The following AIM2 variants were observed in gnomAD, a reference collection of about 807,000 sequenced individuals.
AIM2 encodes absent in melanoma 2, also known as interferon-inducible protein AIM2.
Under a neutral mutation model 27.7 loss-of-function variants are expected in AIM2, and 30 were observed. That is an observed-to-expected ratio of 1.08 (90% CI 0.81 to 1.47). AIM2 has a LOEUF of 1.47. AIM2 is among the 40% of genes most tolerant of loss of function. The pLI, the probability that AIM2 is intolerant of heterozygous loss-of-function variation, is 0.00. For synonymous variants in AIM2, 141 were observed against 145.3 expected (o/e 0.97, Z 0.21); for missense variants, 358 against 411.3 (o/e 0.87, Z 1.12).
chr1:159,074,119 A>G (rs984884159), intron 1 of AIM2, among the ~76,000 whole-genome samples: 13 of 152,232 alleles, frequency 8.5e-5, no homozygotes, highest in African/African-American at 2.4e-4. Context: ...ATCGAGGCAT[A>G]ACTGGCATAC....
intron 1 of AIM2, among the ~76,000 whole-genome samples, chr1:159,111,578 G>C (rs762578421): frequency 2.6e-5 from 4 of 152,030 alleles, no homozygotes; most frequent in Non-Finnish European, 5.9e-5. Context: ...CAGAGTTTAT[G>C]ACAGGATTTA....
At chr1:159,069,835 G>A (rs371972138) in intron 2 of AIM2, among the ~76,000 whole-genome samples, 24 of 152,230 alleles carry the variant, frequency 1.6e-4, no homozygotes, top group East Asian at 7.7e-4. Context: ...GAGCCACCGC[G>A]CCTGGCCACA....
the AIM2 span, among the ~76,000 whole-genome samples, chr1:159,057,155 C>G: frequency 2.0e-5 from 3 of 152,128 alleles, no homozygotes; most frequent in Non-Finnish European, 4.4e-5. Flanking sequence ...CAGTCAGCAC[C>G]ATGGGTGGTA....
rs148572236 is a variant in AIM2, at chr1:159,136,782, T to A, written c.-16+3649A>T. Among the ~76,000 whole-genome samples the A allele has an allele frequency of 3.2e-4, 48 of 152,344 alleles. No homozygotes were observed. The East Asian group carries it at 6.4e-3, about 20-fold the overall frequency. On this transcript the variant is annotated intron_variant, in intron 1 of 2. Coordinates refer to the AIM2 transcript ENST00000368129. Reference sequence around the variant, plus strand: ...ATAAGCAAAATGAACATTTTTACCATTAGGTAATAACTATTGTAATGACAA... The same window carrying A: ...ATAAGCAAAATGAACATTTTTACCAATAGGTAATAACTATTGTAATGACAA...
intron 1 of AIM2, chr1:159,140,407 A>G (rs1478388860): frequency 6.6e-6 from 1 of 152,262 alleles, no homozygotes; most frequent in African/African-American, 2.4e-5. Flanking sequence ...GGGTCCTCCT[A>G]TCTACACTGT....
intron 1 of AIM2, among the ~76,000 whole-genome samples, chr1:159,116,644 G>A (rs1647357920): frequency 6.6e-6 from 1 of 152,010 alleles, no homozygotes; most frequent in Admixed American, 6.6e-5. Context: ...GAGAACACGT[G>A]GACACAGGAA....
intron 1 of AIM2, among the ~76,000 whole-genome samples, chr1:159,075,730 CA>C (rs1395843078): frequency 2.6e-5 from 4 of 151,908 alleles, no homozygotes; most frequent in African/African-American, 9.7e-5. Flanking sequence ...TGTGAATGAG[CA>C]ATTTGCTCAA....
chr1:159,127,279 T>A (rs1647718506), intron 1 of AIM2, among the ~76,000 whole-genome samples: 1 of 152,238 alleles, frequency 6.6e-6, no homozygotes, highest in Non-Finnish European at 1.5e-5. Context: ...AGGGTATGTA[T>A]AATTTATTTC....
intron 1 of AIM2, among the ~76,000 whole-genome samples, chr1:159,114,654 G>A (rs1204207999): frequency 6.6e-6 from 1 of 152,210 alleles, no homozygotes. Flanking sequence ...ATATTTCACT[G>A]AGCCAAGATC....
intron 1 of AIM2, among the ~76,000 whole-genome samples, chr1:159,135,573 C>T (rs1170164559): frequency 2.6e-5 from 4 of 152,148 alleles, no homozygotes; most frequent in South Asian, 2.1e-4. Context: ...TAGAGACATG[C>T]TTAAGCACAA....
At chr1:159,106,153 A>G (rs1570967396) in intron 1 of AIM2, among the ~76,000 whole-genome samples, 1 of 151,872 alleles carries the variant, frequency 6.6e-6, no homozygotes, top group African/African-American at 2.4e-5. Context: ...GGGCTTCCAA[A>G]CCCCCAAGAG....
At chr1:159,075,504 A>G (rs1418668200) in intron 1 of AIM2, among the ~76,000 whole-genome samples, 4 of 151,248 alleles carry the variant, frequency 2.6e-5, no homozygotes, top group South Asian at 2.1e-4. Flanking sequence ...AAGTGATTAT[A>G]CAAGGCAAAA....
At chr1:159,061,558 A>AT (rs945588968), downstream of AIM2, among the ~76,000 whole-genome samples, 4,564 of 83,098 alleles carry the variant, frequency 0.055, 707 homozygotes, top group African/African-American at 0.22. Flanking sequence ...GTGCCCGGCT[A>AT]TTTTTTTTTT....
At chr1:159,127,477 T>C (rs555567094) in intron 1 of AIM2, among the ~76,000 whole-genome samples, 9 of 152,324 alleles carry the variant, frequency 5.9e-5, no homozygotes, top group East Asian at 1.9e-4. Context: ...CATGGGGCCA[T>C]TGGGAGGCAA....
chr1:159,099,937 T>C (rs1464946575), intron 1 of AIM2, among the ~76,000 whole-genome samples: 1 of 152,194 alleles, frequency 6.6e-6, no homozygotes, highest in African/African-American at 2.4e-5. Context: ...AAAATGTCAT[T>C]CTTACTCCCA....
At chr1:159,091,667 A>G (rs1657046732) in intron 1 of AIM2, among the ~76,000 whole-genome samples, 1 of 152,230 alleles carries the variant, frequency 6.6e-6, no homozygotes, top group South Asian at 2.1e-4. Flanking sequence ...TGCCCTCTGG[A>G]TGCCCTTGGG....
At position 159,094,363 on chromosome 1, in the gene AIM2, C is replaced by G. The variant is rs550490153; in HGVS notation, c.-15-28034G>C. ...AGCTGGTGTACTTTTACATCTTAAA[C>G]ATGTGCTTAAAAGTATTCTGTATGC... On this transcript the variant is annotated intron_variant, in intron 1 of 2. Coordinates refer to the AIM2 transcript ENST00000368129. Among the ~76,000 whole-genome samples, 9 of 152,308 alleles carry G rather than the reference C, an allele frequency of 5.9e-5. No homozygotes were observed. In the South Asian group the frequency reaches 1.9e-3, roughly 32 times the overall value.
At chr1:159,146,602 T>G (rs1005528472) in intron 1 of AIM2, among the ~76,000 whole-genome samples, 1 of 152,164 alleles carries the variant, frequency 6.6e-6, no homozygotes, top group Non-Finnish European at 1.5e-5. Context: ...ATCTCTATAA[T>G]GCCCAATTTA....
chr1:159,132,854 C>T (rs1033383377), intron 1 of AIM2, among the ~76,000 whole-genome samples: 2 of 152,140 alleles, frequency 1.3e-5, no homozygotes, highest in African/African-American at 2.4e-5. Flanking sequence ...TATTATCATC[C>T]TCTCACTCTC....
Sources: gnomAD v4.1 joint callset for allele counts (sites outside exome capture counted in the v4.1 genomes callset) on GRCh38, gnomAD v4.1.1 for gene constraint, MANE v1.5 for transcripts, NCBI Gene and HGNC (gene_info 2026-07-23, HGNC 2026-07-21) for gene names.